Variants in RGS6 observed in about 807,000 individuals in gnomAD.
RGS6 encodes the protein regulator of G protein signaling 6.
In RGS6, 30 loss-of-function variants were observed where a neutral mutation model predicts 78.5. The observed-to-expected ratio is 0.38, with a 90% confidence interval of 0.29 to 0.52. The LOEUF is 0.52. RGS6 is among the 20% of genes least tolerant of loss of function. The pLI is 0.85. For missense variants in RGS6, 495 were observed against 609.7 expected (o/e 0.81, Z 1.98); for synonymous variants, 206 against 206.0 (o/e 1.00, Z 0.00).
At chr14:72,208,543 T>G (rs2043230601) in intron 2 of RGS6, among the ~76,000 whole-genome samples, 1 of 152,236 alleles carries the variant, frequency 6.6e-6, no homozygotes, top group African/African-American at 2.4e-5. Context: ...ATCTCTCTGC[T>G]GCATGAGACC....
At chr14:72,219,719 A>C (rs1052178770) in intron 2 of RGS6, among the ~76,000 whole-genome samples, 3 of 152,076 alleles carry the variant, frequency 2.0e-5, no homozygotes, top group Non-Finnish European at 4.4e-5. Flanking sequence ...AAATATATCA[A>C]CCTTCCTCTT....
intron 2 of RGS6, among the ~76,000 whole-genome samples, chr14:72,040,999 T>C (rs1312448925): frequency 6.6e-6 from 1 of 152,230 alleles, no homozygotes; most frequent in African/African-American, 2.4e-5. Flanking sequence ...GCTGGTTGTC[T>C]GTACACCCAG....
At chr14:72,219,096 C>T (rs1172400958) in intron 2 of RGS6, among the ~76,000 whole-genome samples, 1 of 151,754 alleles carries the variant, frequency 6.6e-6, no homozygotes, top group African/African-American at 2.4e-5. Flanking sequence ...AAGGATTCAG[C>T]CCTGTGCAGA....
intron 2 of RGS6, among the ~76,000 whole-genome samples, chr14:72,296,148 CATA>C (rs1218128258): frequency 1.3e-5 from 2 of 152,170 alleles, no homozygotes; most frequent in African/African-American, 4.8e-5. Context: ...TTTCACTTAG[CATA>C]ATATTTTTGA....
intron 2 of RGS6, among the ~76,000 whole-genome samples, chr14:71,978,885 T>C (rs1199950041): frequency 6.8e-6 from 1 of 145,996 alleles, no homozygotes; most frequent in African/African-American, 2.5e-5. Context: ...TGTGAATCCA[T>C]CTGGTCCTGG....
chr14:72,464,024 A>T (rs1252675799), intron 6 of RGS6, among the ~76,000 whole-genome samples: 1 of 152,208 alleles, frequency 6.6e-6, no homozygotes, highest in Non-Finnish European at 1.5e-5. Flanking sequence ...GTTCTCTTTG[A>T]TTATGAGCTG....
the RGS6 span, among the ~76,000 whole-genome samples, chr14:71,868,541 TCTTTGTGAAGG>T: frequency 6.6e-6 from 1 of 152,214 alleles, no homozygotes; most frequent in Non-Finnish European, 1.5e-5. Flanking sequence ...AATGGTATGC[TCTTTGTGAAGG>T]CTTGATAGGA....
rs138176016 is a variant in RGS6 at position 72,075,085 on chromosome 14, A to G, written c.84+110210A>G. Among the ~76,000 whole-genome samples, 618 of 152,342 alleles carry G rather than the reference A, an allele frequency of 4.1e-3. 4 individuals carry two copies. The highest frequency in any genetic ancestry group is 0.014 in the African/African-American group (565 of 41,576). On this transcript the variant is annotated intron_variant, in intron 2 of 17. Coordinates refer to ENST00000553525, the MANE Select transcript of RGS6 (RefSeq NM_001204424.2). ...CCATGTTCTCTAAGCCTTTGCCTCCATACTGGATGTGGCTTTGCCTTTTTT... is the reference window on the plus strand; with the variant it reads ...CCATGTTCTCTAAGCCTTTGCCTCCGTACTGGATGTGGCTTTGCCTTTTTT...
At chr14:72,352,055 A>G in intron 2 of RGS6, 40 bp from the exon 3 acceptor site, 1 of 1,446,878 alleles carries the variant, frequency 6.9e-7, no homozygotes, top group Non-Finnish European at 9.6e-7. Context: ...TAATTACATT[A>G]TGGGAGAAAA....
intron 6 of RGS6, chr14:72,464,683 C>T (rs1016927701): frequency 2.6e-5 from 4 of 152,158 alleles, no homozygotes; most frequent in African/African-American, 4.8e-5. Flanking sequence ...TTCCACTTGG[C>T]TCTGGAGAAG....
chr14:72,605,959 G>A, the RGS6 span, among the ~76,000 whole-genome samples: 18 of 152,018 alleles, frequency 1.2e-4, no homozygotes, highest in Admixed American at 3.3e-4. Context: ...AGATCAAATC[G>A]GAGCTGTGCT....
chr14:71,955,202 A>G (rs1010750084), intron 1 of RGS6, among the ~76,000 whole-genome samples: 4 of 152,234 alleles, frequency 2.6e-5, no homozygotes, highest in Non-Finnish European at 1.5e-5. Context: ...GTGTCTTGGA[A>G]GTCTTTTATC....
chr14:71,906,545 A>T, the RGS6 span, among the ~76,000 whole-genome samples: 1 of 152,158 alleles, frequency 6.6e-6, no homozygotes, highest in Non-Finnish European at 1.5e-5. Context: ...AAAGCTTCAC[A>T]CAAAAACCTT....
intron 2 of RGS6, among the ~76,000 whole-genome samples, chr14:72,164,215 C>T (rs1384237387): frequency 6.6e-6 from 1 of 152,168 alleles, no homozygotes; most frequent in Non-Finnish European, 1.5e-5. Flanking sequence ...TCTTATGACA[C>T]TCAAGGAGAA....
intron 17 of RGS6, among the ~76,000 whole-genome samples, chr14:72,544,577 C>T (rs1044645602): frequency 9.2e-5 from 14 of 152,200 alleles, no homozygotes; most frequent in African/African-American, 3.1e-4. Context: ...TGCCAAGGTG[C>T]TCCTTGGAAT....
chr14:72,022,083 T>A (rs1462235577), intron 2 of RGS6, among the ~76,000 whole-genome samples: 2 of 152,186 alleles, frequency 1.3e-5, no homozygotes, highest in Admixed American at 6.5e-5. Context: ...GCTCCATCCA[T>A]GTTCCCACAA....
chr14:71,884,615 C>T, the RGS6 span, among the ~76,000 whole-genome samples: 2 of 152,162 alleles, frequency 1.3e-5, no homozygotes, highest in South Asian at 2.1e-4. Context: ...CTTTTTGTCT[C>T]GGGAAAGTGA....
chr14:72,105,345 A>C (rs970783359), intron 2 of RGS6, among the ~76,000 whole-genome samples: 1 of 152,256 alleles, frequency 6.6e-6, no homozygotes, highest in Admixed American at 6.5e-5. Flanking sequence ...ACAGTTTAAA[A>C]TGTGGTACAG....
At chr14:72,093,714 T>C (rs1183588985) in intron 2 of RGS6, among the ~76,000 whole-genome samples, 1 of 152,216 alleles carries the variant, frequency 6.6e-6, no homozygotes, top group Non-Finnish European at 1.5e-5. Context: ...GGTGTTTTCC[T>C]TTCTGTTGCT....
Sources: allele counts gnomAD v4.1 joint callset (sites outside exome capture counted in the v4.1 genomes callset), GRCh38; gene constraint gnomAD v4.1.1; transcripts MANE v1.5; gene names NCBI Gene and HGNC (gene_info 2026-07-23, HGNC 2026-07-21).